Variants in PGM2L1 observed in about 807,000 individuals in gnomAD.
The protein encoded by PGM2L1 is glucose 1,6-bisphosphate synthase.
Under a neutral mutation model 73.4 loss-of-function variants are expected in PGM2L1, and 35 were observed. The ratio of observed to expected loss-of-function variants is 0.48; its 90% CI spans 0.36 to 0.63. The LOEUF (loss-of-function observed/expected upper bound fraction) is 0.63, where lower values mean the gene tolerates loss of function less well. Among genes scored for constraint, PGM2L1 ranks in the 30% least tolerant of loss-of-function variants. The pLI is 0.00. For missense variants in PGM2L1, 570 were observed against 742.0 expected (o/e 0.77, Z 2.69); for synonymous variants, 225 against 253.8 (o/e 0.89, Z 1.08).
intron 5 of PGM2L1, among the ~76,000 whole-genome samples, chr11:74,361,570 G>A (rs1433602786): frequency 6.6e-6 from 1 of 152,212 alleles, no homozygotes; most frequent in African/African-American, 2.4e-5. Flanking sequence ...CGAGTTGAGA[G>A]AAGAGGGCTT....
Position 74,336,620 on chromosome 11 carries a change from C to T in PGM2L1, c.*32G>A. The T allele has an allele frequency of 1.4e-6, 2 of 1,470,364 alleles. No homozygotes were observed. The highest frequency in any genetic ancestry group is 1.9e-6 in the Non-Finnish European group (2 of 1,066,586). The allele number at this position is 1,470,364 out of a possible 1,614,324, so 91.1% of individuals were successfully genotyped here. ...GTTCTCGGTTGCTCTGTTCCATATG[C>T]CCACACAGTGTCATGACATATTGGT... On this transcript the variant is annotated 3_prime_UTR_variant, in exon 14 of 14. Transcript: ENST00000298198.
rs756968651 is a variant in PGM2L1 at position 74,385,443 on chromosome 11, A to G, written c.112-10861T>C. On this transcript the variant is annotated intron_variant, in intron 1 of 13. Coordinates refer to ENST00000298198, the MANE Select transcript of PGM2L1 (RefSeq NM_173582.6). ...TTCTTGGACAATTTAAGGGTTTACA[A>G]GGGTGATTTTAAAATTTTATACCAT... is the stretch of plus-strand genomic sequence containing the variant. Among the ~76,000 whole-genome samples, 87 of 152,286 alleles carry G rather than the reference A, an allele frequency of 5.7e-4. 1 individual carries two copies. Among genetic ancestry groups the G allele is most frequent in the Admixed American group, 2.0e-3 (31 of 15,298 alleles).
chr11:74,363,257 T>G (rs930310579), intron 5 of PGM2L1, among the ~76,000 whole-genome samples: 7 of 151,782 alleles, frequency 4.6e-5, no homozygotes, highest in Non-Finnish European at 1.0e-4. Flanking sequence ...GAGGGAAATT[T>G]ATAGCACTAA....
In PGM2L1 at chr11:74,370,948, T is replaced by C. The variant is rs763285642; in HGVS notation, c.425A>G (p.Asp142Gly). 2.5e-6 allele frequency: 4 copies of C among 1,613,372 alleles called. No individual in the cohort carries two copies. The highest frequency in any genetic ancestry group is 3.4e-6 in the Non-Finnish European group (4 of 1,179,530). The change falls in exon 4 of 14, where the codon GAT becomes GGT. Residue 142 changes from aspartate to glycine, a missense_variant. By Grantham distance (94) the Asp-to-Gly change is moderately conservative. Transcript: ENST00000298198. ...TCTTGAAAAAAGGTACACAGGAACA[T>C]CTTTGGCCAGCAAGACTGCAGCAGT... The part of the protein sequence containing the change: ...KLTAAVLLAK[D>G]VPVYLFSRYV...
intron 1 of PGM2L1, among the ~76,000 whole-genome samples, chr11:74,376,674 A>G (rs1342238756): frequency 2.0e-5 from 3 of 152,106 alleles, no homozygotes; most frequent in Non-Finnish European, 4.4e-5. Flanking sequence ...GTTACTGAGT[A>G]TACTTCCTAA....
chr11:74,343,440 T>C (rs775576524), intron 9 of PGM2L1, 24 bp from the exon 10 acceptor site: 22 of 1,598,770 alleles, frequency 1.4e-5, no homozygotes, highest in Non-Finnish European at 1.8e-5. Flanking sequence ...GAGGCCACTC[T>C]AGTTAAGTGA....
In PGM2L1 at chr11:74,392,281, C is replaced by CA. The variant is rs562321753; in HGVS notation, c.111+5769dup. Among the ~76,000 whole-genome samples the CA allele has an allele frequency of 3.7e-3, 548 of 150,070 alleles. 4 individuals carry two copies. Among genetic ancestry groups the CA allele is most frequent in the African/African-American group, 0.012 (506 of 40,874 alleles). ...TTAAAATCATAAGCATGTATTTCTTCAAAAAAAATAAATTGCAAATAAAAT... is the reference window on the plus strand; with the variant it reads ...TTAAAATCATAAGCATGTATTTCTTCAAAAAAAAATAAATTGCAAATAAAAT... On this transcript the variant is annotated intron_variant, in intron 1 of 13. Coordinates refer to ENST00000298198, the MANE Select transcript of PGM2L1 (RefSeq NM_173582.6).
chr11:74,381,569 G>GTCT lies in PGM2L1; in HGVS notation c.112-6990_112-6988dup, dbSNP rs1565444922. ...GGGTTTTTTGTTTGTTTGTGTTTTTGTCTTTTTTTTTTTTTTTTTTTTTTT... is the reference window on the plus strand; with the variant it reads ...GGGTTTTTTGTTTGTTTGTGTTTTTGTCTTCTTTTTTTTTTTTTTTTTTTTTTT... On this transcript the variant is annotated intron_variant, in intron 1 of 13. Transcript: ENST00000298198. Among the ~76,000 whole-genome samples, 59 of 100,676 alleles carry GTCT rather than the reference G, an allele frequency of 5.9e-4. 8 individuals carry two copies. The highest frequency in any genetic ancestry group is 7.7e-4 in the South Asian group (2 of 2,606). 66.0% of individuals were successfully genotyped at this position (100,676 alleles called of 152,430 possible). A position where few individuals can be genotyped will look rare whatever the true frequency, so the allele number is the denominator to read the frequency against.
chr11:74,358,895 C>A (rs1309835967), intron 5 of PGM2L1, among the ~76,000 whole-genome samples: 1 of 151,912 alleles, frequency 6.6e-6, no homozygotes, highest in Non-Finnish European at 1.5e-5. Context: ...TCTCAAAAAA[C>A]AAAAACAAAA....
chr11:74,351,365 A>T lies in PGM2L1; in HGVS notation c.749+18T>A. ...CGTTATTCTGAAGTAGTATTATCTG[A>T]TATTCTCACTTGGATACCTGTAAAA... is the stretch of plus-strand genomic sequence containing the variant. On this transcript the variant is annotated intron_variant, in intron 6 of 13. Coordinates refer to ENST00000298198, the MANE Select transcript of PGM2L1 (RefSeq NM_173582.6). 6.3e-7 allele frequency: 1 copy of T among 1,594,610 alleles called. No homozygotes were observed. The highest frequency in any genetic ancestry group is 8.6e-7 in the Non-Finnish European group (1 of 1,168,288).
At position 74,388,224 on chromosome 11, in the gene PGM2L1, G is replaced by A. The variant is rs987556154; in HGVS notation, c.111+9827C>T. Among the ~76,000 whole-genome samples, 10 of 152,122 alleles carry A rather than the reference G, an allele frequency of 6.6e-5. No homozygotes were observed. In the South Asian group the frequency reaches 2.1e-3, roughly 31 times the overall value. ...TTAAGCCAGATGAATTCATTATAGA[G>A]ATATGCTGTGCAGCACTGTACCTAC... On this transcript the variant is annotated intron_variant, in intron 1 of 13. Coordinates refer to ENST00000298198, the MANE Select transcript of PGM2L1 (RefSeq NM_173582.6).
chr11:74,384,753 A>G (rs943442257), intron 1 of PGM2L1, among the ~76,000 whole-genome samples: 5 of 152,136 alleles, frequency 3.3e-5, no homozygotes, highest in African/African-American at 1.2e-4. Flanking sequence ...TTTCCAAGCC[A>G]TCCAAATGAC....
chr11:74,342,285 A>C (rs566348190), intron 12 of PGM2L1, among the ~76,000 whole-genome samples, 176 bp downstream of exon 12: 5 of 152,058 alleles, frequency 3.3e-5, no homozygotes, highest in Admixed American at 2.6e-4. Flanking sequence ...CCCCTAGTAC[A>C]TTGCCCTATA....
At chr11:74,385,302 T>C (rs147655381) in intron 1 of PGM2L1, among the ~76,000 whole-genome samples, 70 of 152,328 alleles carry the variant, frequency 4.6e-4, no homozygotes, top group Middle Eastern at 3.4e-3. Flanking sequence ...GCCTCCTAAA[T>C]ATTAAAATTG....
chr11:74,356,120 C>T (rs967474037), intron 5 of PGM2L1, among the ~76,000 whole-genome samples: 1 of 151,630 alleles, frequency 6.6e-6, no homozygotes, highest in East Asian at 1.9e-4. Context: ...ATTTCCCCAA[C>T]AGTGTGAAGT....
intron 1 of PGM2L1, 81 bp downstream of exon 1, chr11:74,397,970 C>G: frequency 6.9e-7 from 1 of 1,444,638 alleles, no homozygotes; most frequent in Non-Finnish European, 9.1e-7. Flanking sequence ...CTCTGCAGCC[C>G]GCGGGGCGCT....
At chr11:74,379,761 T>TA (rs1387624879) in intron 1 of PGM2L1, among the ~76,000 whole-genome samples, 5 of 151,954 alleles carry the variant, frequency 3.3e-5, no homozygotes, top group Non-Finnish European at 7.4e-5. Context: ...CCGCCTCTAC[T>TA]AAAAATACAA....
At chr11:74,356,914 A>G (rs1188579331) in intron 5 of PGM2L1, among the ~76,000 whole-genome samples, 1 of 151,888 alleles carries the variant, frequency 6.6e-6, no homozygotes. Context: ...GCTCACTGCA[A>G]CCTCCGCCTC....
intron 7 of PGM2L1, 126 bp downstream of exon 7, chr11:74,347,022 A>G: frequency 1.0e-6 from 1 of 985,210 alleles, no homozygotes; most frequent in Non-Finnish European, 1.5e-6. Flanking sequence ...TTATTACTCC[A>G]ATACAATTAA....
Sources: gnomAD v4.1 joint callset for allele counts (sites outside exome capture counted in the v4.1 genomes callset) on GRCh38, gnomAD v4.1.1 for gene constraint, MANE v1.5 for transcripts, NCBI Gene and HGNC (gene_info 2026-07-23, HGNC 2026-07-21) for gene names.